The following TNKS variants were observed in gnomAD, a reference collection of about 807,000 sequenced individuals.
TNKS encodes the protein tankyrase.
TNKS carries 72 observed loss-of-function variants against 135.8 expected under a neutral mutation model. The observed-to-expected ratio is 0.53, with a 90% CI of 0.44 to 0.64. The LOEUF is 0.64. Ranked by LOEUF, TNKS falls within the 30% of genes least tolerant of loss-of-function variation. The probability of loss-of-function intolerance (pLI) is 0.00; values close to 1 mark genes in which losing one functional copy is unlikely to be tolerated. For synonymous variants in TNKS, 849 were observed against 649.3 expected, an observed-to-expected ratio of 1.31 and a Z score of -4.68; for missense variants, 1,769 against 1,674.0, an observed-to-expected ratio of 1.06 and a Z score of -0.99.
At chr8:9,697,017 G>C (rs1803547564) in intron 5 of TNKS, among the ~76,000 whole-genome samples, 1 of 152,064 alleles carries the variant, frequency 6.6e-6, no homozygotes, top group African/African-American at 2.4e-5. Flanking sequence ...AAAAAACAAA[G>C]CCAGAGGCAT....
intron 3 of TNKS, among the ~76,000 whole-genome samples, chr8:9,662,240 A>G (rs960333625): frequency 1.3e-5 from 2 of 152,242 alleles, no homozygotes; most frequent in African/African-American, 4.8e-5. Context: ...CCATCCCATT[A>G]CTGGGTATAT....
intron 26 of TNKS, among the ~76,000 whole-genome samples, chr8:9,775,663 C>A (rs1022790966): frequency 2.0e-5 from 3 of 151,222 alleles, no homozygotes; most frequent in African/African-American, 7.3e-5. Flanking sequence ...GCATTTAGTT[C>A]TCACAAAAAA....
intron 3 of TNKS, among the ~76,000 whole-genome samples, chr8:9,660,407 T>C (rs1274230332): frequency 6.6e-6 from 1 of 152,178 alleles, no homozygotes; most frequent in Non-Finnish European, 1.5e-5. Context: ...GTGGGCTTCA[T>C]CCCTGGGATC....
At chr8:9,677,637 G>C (rs1019198504) in intron 3 of TNKS, among the ~76,000 whole-genome samples, 6 of 152,026 alleles carry the variant, frequency 3.9e-5, no homozygotes, top group Admixed American at 1.3e-4. Flanking sequence ...CTGAAGTACA[G>C]TATGGAAGTA....
intron 1 of TNKS, among the ~76,000 whole-genome samples, chr8:9,570,719 A>G (rs1769441338): frequency 6.6e-6 from 1 of 152,154 alleles, no homozygotes; most frequent in African/African-American, 2.4e-5. Flanking sequence ...CCACTCTTGT[A>G]TTCTCTAGCT....
chr8:9,779,266 T>G lies in TNKS; in HGVS notation c.*2530T>G, dbSNP rs561711343. 1 of 152,784 alleles carries G rather than the reference T, an allele frequency of 6.5e-6. No individual in the cohort carries two copies. Among genetic ancestry groups the G allele is most frequent in the Admixed American group, 6.5e-5 (1 of 15,306 alleles). The allele number at this position is 152,784 out of a possible 1,614,324, so 9.5% of individuals were successfully genotyped here. A position where few individuals can be genotyped will look rare whatever the true frequency, so the allele number is the denominator to read the frequency against. On this transcript the variant is annotated 3_prime_UTR_variant, in exon 27 of 27. Transcript: ENST00000310430. Reference sequence around the variant, plus strand: ...GTTTATTACATTTGGGATTTTCATCTGTAGCCGTATGAAGAACCCTTTCCA... The same window carrying G: ...GTTTATTACATTTGGGATTTTCATCGGTAGCCGTATGAAGAACCCTTTCCA...
chr8:9,742,247 C>T (rs367785884), intron 17 of TNKS, among the ~76,000 whole-genome samples: 3 of 151,142 alleles, frequency 2.0e-5, no homozygotes, highest in African/African-American at 7.3e-5. Flanking sequence ...ATCAGGCATC[C>T]GTGAGTTGAT....
intron 18 of TNKS, among the ~76,000 whole-genome samples, chr8:9,750,457 GC>G (rs1245447341): frequency 2.0e-5 from 3 of 152,152 alleles, no homozygotes; most frequent in African/African-American, 7.2e-5. Flanking sequence ...AATTTCCTTA[GC>G]CAAATTTACA....
chr8:9,677,986 C>T (rs1351436535), intron 3 of TNKS, among the ~76,000 whole-genome samples: 1 of 152,178 alleles, frequency 6.6e-6, no homozygotes, highest in Non-Finnish European at 1.5e-5. Context: ...CCTTGACCCC[C>T]AACTACCCTT....
At chr8:9,558,179 A>G (rs1191969726) in intron 1 of TNKS, 3 of 152,138 alleles carry the variant, frequency 2.0e-5, no homozygotes, top group Non-Finnish European at 4.4e-5. Context: ...GATATTTTAT[A>G]TTTTATTCTG....
In TNKS at chr8:9,585,328, G is replaced by A. The variant is rs914921923; in HGVS notation, c.898+4945G>A. Among the ~76,000 whole-genome samples the A allele has an allele frequency of 4.6e-5, 7 of 151,916 alleles. No individual in the cohort carries two copies. In the East Asian group the frequency reaches 9.6e-4, roughly 21 times the overall value. On this transcript the variant is annotated intron_variant, in intron 2 of 26. Coordinates refer to ENST00000310430, the MANE Select transcript of TNKS (RefSeq NM_003747.3). The stretch of plus-strand genomic sequence containing the variant: ...ATCAACGTCATTTTAAACCTTACAC[G>A]TGATATGAGTTTCAGAGGCAGGGGA...
chr8:9,684,393 A>G (rs1802902534), intron 5 of TNKS, among the ~76,000 whole-genome samples: 1 of 152,050 alleles, frequency 6.6e-6, no homozygotes, highest in Non-Finnish European at 1.5e-5. Context: ...ATAAATGAAA[A>G]TAAATATTTG....
chr8:9,673,198 C>G (rs1802378938), intron 3 of TNKS, among the ~76,000 whole-genome samples: 1 of 152,116 alleles, frequency 6.6e-6, no homozygotes, highest in Admixed American at 6.6e-5. Flanking sequence ...TTAGATGTTA[C>G]TCGTACTAAG....
chr8:9,606,538 G>C (rs1409696856), intron 2 of TNKS, among the ~76,000 whole-genome samples: 3 of 151,970 alleles, frequency 2.0e-5, no homozygotes, highest in African/African-American at 7.2e-5. Flanking sequence ...TTTCCCACTT[G>C]ATTATCAGAG....
intron 2 of TNKS, among the ~76,000 whole-genome samples, chr8:9,586,956 G>T (rs1300626082): frequency 6.6e-6 from 1 of 152,002 alleles, no homozygotes; most frequent in Non-Finnish European, 1.5e-5. Context: ...CCGTTAGAAA[G>T]AACCATATAC....
chr8:9,574,594 A>T (rs937655017), intron 1 of TNKS, among the ~76,000 whole-genome samples: 9 of 152,208 alleles, frequency 5.9e-5, no homozygotes, highest in East Asian at 3.8e-4. Flanking sequence ...CATACTTACA[A>T]TGAAACCCAA....
chr8:9,769,753 G>T (rs1807705473), intron 25 of TNKS, among the ~76,000 whole-genome samples: 1 of 151,150 alleles, frequency 6.6e-6, no homozygotes, highest in Non-Finnish European at 1.5e-5. Context: ...CCAAGTAGCT[G>T]AGACTACAGG....
At chr8:9,700,502 G>GTC (rs1477304721) in intron 5 of TNKS, among the ~76,000 whole-genome samples, 1 of 152,064 alleles carries the variant, frequency 6.6e-6, no homozygotes, top group Non-Finnish European at 1.5e-5. Context: ...ATACGTGTAA[G>GTC]TCTCTCTCTC....
chr8:9,717,101 A>ATATATATTTT (rs1454492300), intron 11 of TNKS, among the ~76,000 whole-genome samples: 13 of 119,322 alleles, frequency 1.1e-4, no homozygotes, highest in Admixed American at 4.3e-4. Context: ...ATATATATAT[A>ATATATATTTT]TTTTCAGGGA....
Sources: allele counts gnomAD v4.1 joint callset (sites outside exome capture counted in the v4.1 genomes callset), GRCh38; gene constraint gnomAD v4.1.1; transcripts MANE v1.5; gene names NCBI Gene and HGNC (gene_info 2026-07-23, HGNC 2026-07-21).